The following LRMDA variants were observed in gnomAD, a reference collection of about 807,000 sequenced individuals.
LRMDA encodes leucine-rich melanocyte differentiation-associated protein.
LRMDA carries 18 observed loss-of-function variants against 29.8 expected under a neutral mutation model. That is an observed-to-expected ratio of 0.60 (90% CI 0.42 to 0.90). The LOEUF (loss-of-function observed/expected upper bound fraction) is 0.90, where lower values mean the gene tolerates loss of function less well. LRMDA is among the 40% of genes least tolerant of loss of function. LRMDA has a pLI of 0.00. For synonymous variants in LRMDA, 125 were observed against 109.4 expected (o/e 1.14, Z -0.89); for missense variants, 273 against 273.9 (o/e 1.00, Z 0.02).
chr10:76,206,493 C>A (rs1246808149), intron 5 of LRMDA, among the ~76,000 whole-genome samples: 1 of 152,194 alleles, frequency 6.6e-6, no homozygotes, highest in South Asian at 2.1e-4. Flanking sequence ...GAGGATCTTA[C>A]ACCCCTTGTG....
rs76934030 is a variant in LRMDA at position 76,511,339 on chromosome 10, C to T, written c.602-45870C>T. ...AAGTTTACGTGGTTTGACTTCTATG[C>T]TAGTGCCAAGGAAAGGAGGGCCTGG... is the stretch of plus-strand genomic sequence containing the variant. On this transcript the variant is annotated intron_variant, in intron 6 of 6. Coordinates refer to ENST00000611255, the MANE Select transcript of LRMDA (RefSeq NM_001305581.2). Among the ~76,000 whole-genome samples, 657 of 151,872 alleles carry T rather than the reference C, an allele frequency of 4.3e-3. 1 individual carries two copies. The highest frequency in any genetic ancestry group is 0.015 in the African/African-American group (614 of 41,370).
chr10:76,223,404 A>C (rs1490540250), intron 5 of LRMDA, among the ~76,000 whole-genome samples: 1 of 152,148 alleles, frequency 6.6e-6, no homozygotes, highest in Non-Finnish European at 1.5e-5. Context: ...TGAAGGTGCA[A>C]GTATCAAAGC....
At chr10:75,788,875 G>A (rs1015663093) in intron 2 of LRMDA, among the ~76,000 whole-genome samples, 2 of 152,188 alleles carry the variant, frequency 1.3e-5, no homozygotes, top group Non-Finnish European at 2.9e-5. Context: ...CCCTGTTTAG[G>A]TTGTTAACTC....
chr10:76,377,961 A>AT (rs540067291), intron 6 of LRMDA, among the ~76,000 whole-genome samples: 1 of 152,260 alleles, frequency 6.6e-6, no homozygotes, highest in South Asian at 2.1e-4. Flanking sequence ...TTGAATCTGA[A>AT]TATTCCTTTG....
intron 2 of LRMDA, among the ~76,000 whole-genome samples, chr10:75,643,386 A>G (rs374872014): frequency 2.6e-5 from 4 of 152,200 alleles, no homozygotes; most frequent in East Asian, 1.9e-4. Flanking sequence ...TAGAAGATCA[A>G]TAAGTCCTCT....
At chr10:75,464,119 G>A (rs1353576801) in intron 2 of LRMDA, among the ~76,000 whole-genome samples, 2 of 152,170 alleles carry the variant, frequency 1.3e-5, no homozygotes, top group Non-Finnish European at 2.9e-5. Flanking sequence ...GATGATTTCT[G>A]TGTCAAAAAA....
intron 2 of LRMDA, among the ~76,000 whole-genome samples, chr10:75,823,105 G>T (rs187527173): frequency 6.6e-6 from 1 of 152,080 alleles, no homozygotes; most frequent in Non-Finnish European, 1.5e-5. Flanking sequence ...AAAAGCAAAA[G>T]TAGACAAATA....
chr10:75,436,419 C>A lies in LRMDA; in HGVS notation c.31-1975C>A, dbSNP rs748304940. Among the ~76,000 whole-genome samples, 10 of 151,602 alleles carry A rather than the reference C, an allele frequency of 6.6e-5. No individual in the cohort carries two copies. In the South Asian group the frequency reaches 1.0e-3, roughly 16 times the overall value. On this transcript the variant is annotated intron_variant, in intron 1 of 6. Transcript: ENST00000611255. Reference sequence around the variant, plus strand: ...TGAATGGGATGGATTTTCTGGTGAGCGCCATGGACCTGGGGTTCATTGTGA... The same window carrying A: ...TGAATGGGATGGATTTTCTGGTGAGAGCCATGGACCTGGGGTTCATTGTGA...
chr10:76,444,860 T>C (rs1041018840), intron 6 of LRMDA, among the ~76,000 whole-genome samples: 3 of 152,200 alleles, frequency 2.0e-5, no homozygotes, highest in African/African-American at 7.2e-5. Flanking sequence ...TGTATACATA[T>C]GTGCATATAT....
chr10:76,062,960 A>G (rs1848726876), intron 5 of LRMDA, among the ~76,000 whole-genome samples: 1 of 152,184 alleles, frequency 6.6e-6, no homozygotes, highest in Non-Finnish European at 1.5e-5. Context: ...TCGGCATGTC[A>G]GCCCTGCACA....
intron 5 of LRMDA, among the ~76,000 whole-genome samples, chr10:76,232,384 T>A (rs1852073708): frequency 6.6e-6 from 1 of 152,238 alleles, no homozygotes; most frequent in Non-Finnish European, 1.5e-5. Context: ...ATTTATTACA[T>A]GCATAGGAGC....
chr10:75,791,366 A>G (rs1324789309), intron 2 of LRMDA, among the ~76,000 whole-genome samples: 1 of 152,274 alleles, frequency 6.6e-6, no homozygotes, highest in Admixed American at 6.5e-5. Context: ...ATAAGCAGTA[A>G]TAAACAAAAG....
chr10:75,586,360 T>TTTTTTTG lies in LRMDA; in HGVS notation c.131+147872_131+147873insGTTTTTT, dbSNP rs1840655480. Among the ~76,000 whole-genome samples, 2 of 135,422 alleles carry TTTTTTTG rather than the reference T, an allele frequency of 1.5e-5. 1 individual carries two copies. Among genetic ancestry groups the TTTTTTTG allele is most frequent in the Admixed American group, 1.5e-4 (2 of 13,376 alleles). The allele number at this position is 135,422 out of a possible 152,430, so 88.8% of individuals were successfully genotyped here. A position where few individuals can be genotyped will look rare whatever the true frequency, so the allele number is the denominator to read the frequency against. On this transcript the variant is annotated intron_variant, in intron 2 of 6. Transcript: ENST00000611255. ...CCAACACGTCTTTTTTTTTTTTTTT[T>TTTTTTTG]TTTTTTTTTAAATTAGAGACAGGAT...
intron 2 of LRMDA, among the ~76,000 whole-genome samples, chr10:75,482,661 G>T (rs368472610): frequency 1.3e-5 from 2 of 152,178 alleles, no homozygotes; most frequent in African/African-American, 4.8e-5. Context: ...GTCTGTGTCA[G>T]CTCAACTATG....
intron 5 of LRMDA, among the ~76,000 whole-genome samples, chr10:76,203,678 C>T (rs1343763285): frequency 6.6e-6 from 1 of 151,976 alleles, no homozygotes; most frequent in African/African-American, 2.4e-5. Context: ...ATCTCTATTC[C>T]ATGTGCCCGT....
rs115197576 is a variant in LRMDA at position 75,959,676 on chromosome 10, A to G, written c.132-76332A>G. 4.7e-3 allele frequency among the ~76,000 whole-genome samples: 720 copies of G among 152,300 alleles called. 9 individuals carry two copies. Among genetic ancestry groups the G allele is most frequent in the African/African-American group, 0.017 (687 of 41,562 alleles). On this transcript the variant is annotated intron_variant, in intron 2 of 6. Transcript: ENST00000611255. Reference sequence around the variant, plus strand: ...TGTGTGTTTATATACACATATGTGTATGCATTACTGTACCTATATGCACAC... The same window carrying G: ...TGTGTGTTTATATACACATATGTGTGTGCATTACTGTACCTATATGCACAC...
chr10:76,344,466 C>A (rs1345395289), intron 6 of LRMDA, among the ~76,000 whole-genome samples: 1 of 152,102 alleles, frequency 6.6e-6, no homozygotes, highest in Non-Finnish European at 1.5e-5. Flanking sequence ...TCATTTACCT[C>A]TTTGTAAATT....
At chr10:75,624,165 A>G (rs189366908) in intron 2 of LRMDA, among the ~76,000 whole-genome samples, 2 of 152,282 alleles carry the variant, frequency 1.3e-5, no homozygotes, top group African/African-American at 4.8e-5. Context: ...TAATACAATA[A>G]CATATTATTG....
At chr10:75,549,924 A>G (rs181414198) in intron 2 of LRMDA, among the ~76,000 whole-genome samples, 1 of 152,220 alleles carries the variant, frequency 6.6e-6, no homozygotes, top group East Asian at 1.9e-4. Flanking sequence ...AGTTTCTTTC[A>G]CTTAGCATAA....
Sources: allele counts gnomAD v4.1 joint callset (sites outside exome capture counted in the v4.1 genomes callset), GRCh38; gene constraint gnomAD v4.1.1; transcripts MANE v1.5; gene names NCBI Gene and HGNC (gene_info 2026-07-23, HGNC 2026-07-21).